The following LARGE1 variants were observed in gnomAD, a reference collection of about 807,000 sequenced individuals.
The protein encoded by LARGE1 is xylosyl- and glucuronyltransferase LARGE1.
A neutral mutation model predicts 87.6 loss-of-function variants in LARGE1; 43 were observed. The observed-to-expected ratio is 0.49, with a 90% CI of 0.38 to 0.63. LARGE1 has a LOEUF of 0.63. Ranked by LOEUF, LARGE1 falls within the 30% of genes least tolerant of loss-of-function variation. The pLI is 0.00. For synonymous variants in LARGE1, 434 were observed against 394.6 expected, an observed-to-expected ratio of 1.10 and a Z score of -1.18; for missense variants, 802 against 1,000.2, an observed-to-expected ratio of 0.80 and a Z score of 2.67.
chr22:33,912,557 C>T (rs1359639097), intron 1 of LARGE1, among the ~76,000 whole-genome samples: 2 of 152,150 alleles, frequency 1.3e-5, no homozygotes, highest in Non-Finnish European at 2.9e-5. Context: ...TCTCCATCTG[C>T]GTCTGCTGCC....
chr22:33,559,090 G>T (rs998029894), intron 6 of LARGE1, among the ~76,000 whole-genome samples: 1 of 152,228 alleles, frequency 6.6e-6, no homozygotes, highest in South Asian at 2.1e-4. Context: ...ATAAGCAACA[G>T]AAATTTATTG....
At chr22:33,496,471 A>G (rs915953571) in intron 6 of LARGE1, among the ~76,000 whole-genome samples, 1 of 152,180 alleles carries the variant, frequency 6.6e-6, no homozygotes, top group Admixed American at 6.5e-5. Context: ...CTACCAAGTA[A>G]GGACACAGCA....
At chr22:33,447,060 A>C (rs1461401287) in intron 6 of LARGE1, among the ~76,000 whole-genome samples, 1 of 152,072 alleles carries the variant, frequency 6.6e-6, no homozygotes, top group Non-Finnish European at 1.5e-5. Flanking sequence ...CAATCAGCTA[A>C]TTTTTGTATT....
chr22:33,241,363 A>G (rs1205837558), intron 11 of LARGE1, among the ~76,000 whole-genome samples: 1 of 152,100 alleles, frequency 6.6e-6, no homozygotes, highest in African/African-American at 2.4e-5. Flanking sequence ...TCATGACAAC[A>G]GTTGGCAATT....
chr22:33,453,472 C>T (rs997096960), intron 6 of LARGE1, among the ~76,000 whole-genome samples: 9 of 152,044 alleles, frequency 5.9e-5, no homozygotes, highest in Non-Finnish European at 1.3e-4. Context: ...ATACTTCAGT[C>T]TGATCTCCCA....
intron 2 of LARGE1, among the ~76,000 whole-genome samples, chr22:33,698,288 G>C (rs1001807222): frequency 6.8e-6 from 1 of 147,380 alleles, no homozygotes; most frequent in African/African-American, 2.5e-5. Context: ...TGGCCAGGCT[G>C]GTCTTGAACT....
intron 2 of LARGE1, among the ~76,000 whole-genome samples, chr22:33,738,809 C>T (rs1168207136): frequency 2.0e-5 from 3 of 149,274 alleles, no homozygotes; most frequent in East Asian, 2.0e-4. Flanking sequence ...CACGCCACTG[C>T]GCTCCAGCCT....
intron 3 of LARGE1, among the ~76,000 whole-genome samples, chr22:33,629,878 G>C (rs1004023811): frequency 6.6e-6 from 1 of 152,118 alleles, no homozygotes; most frequent in African/African-American, 2.4e-5. Flanking sequence ...GACCCGCCTG[G>C]CCAACATGGT....
intron 6 of LARGE1, among the ~76,000 whole-genome samples, chr22:33,491,741 G>A (rs2069851033): frequency 6.6e-6 from 1 of 152,192 alleles, no homozygotes; most frequent in Admixed American, 6.5e-5. Context: ...GGTACTAAAA[G>A]CTTTGGAATA....
intron 5 of LARGE1, among the ~76,000 whole-genome samples, chr22:33,601,782 A>T (rs1337255413): frequency 1.3e-5 from 2 of 152,176 alleles, no homozygotes; most frequent in Non-Finnish European, 2.9e-5. Flanking sequence ...TTTTGAACGT[A>T]TCAGATTGTA....
At chr22:33,739,634 C>A (rs760889651) in intron 2 of LARGE1, among the ~76,000 whole-genome samples, 9 of 152,178 alleles carry the variant, frequency 5.9e-5, no homozygotes, top group Non-Finnish European at 1.2e-4. Flanking sequence ...CTCACTGAAA[C>A]GCATCTGCAG....
intron 6 of LARGE1, among the ~76,000 whole-genome samples, chr22:33,512,315 T>C (rs1398450099): frequency 6.6e-6 from 1 of 152,198 alleles, no homozygotes; most frequent in Non-Finnish European, 1.5e-5. Flanking sequence ...ACATCCTAAC[T>C]GGCCCAAAAT....
intron 7 of LARGE1, among the ~76,000 whole-genome samples, chr22:33,414,064 G>C (rs1359364876): frequency 6.6e-6 from 1 of 152,078 alleles, no homozygotes; most frequent in Non-Finnish European, 1.5e-5. Context: ...CCCAGGAGTG[G>C]GATTGCTGGA....
upstream of LARGE1, among the ~76,000 whole-genome samples, chr22:33,921,595 A>G (rs1344315559): frequency 6.6e-6 from 1 of 152,090 alleles, no homozygotes; most frequent in Admixed American, 6.5e-5. This position sits in a 1 kb window ranked among gnomAD's most constrained non-coding sequence, Gnocchi z 4.1. Flanking sequence ...TCTTTCTGGG[A>G]TCGGTATCCA....
chr22:33,434,256 C>G (rs535319011), intron 6 of LARGE1, among the ~76,000 whole-genome samples: 11 of 152,114 alleles, frequency 7.2e-5, no homozygotes, highest in Non-Finnish European at 1.6e-4. Flanking sequence ...GGGGTGATAC[C>G]TAATTATTAA....
intron 7 of LARGE1, among the ~76,000 whole-genome samples, chr22:33,412,195 A>C (rs1286758035): frequency 1.3e-5 from 2 of 152,128 alleles, no homozygotes; most frequent in African/African-American, 4.8e-5. Context: ...GAGGCAAGAG[A>C]ATTGCTTGAA....
chr22:33,103,617 G>A, the LARGE1 span, among the ~76,000 whole-genome samples: 1 of 152,076 alleles, frequency 6.6e-6, no homozygotes, highest in Non-Finnish European at 1.5e-5. Flanking sequence ...GGACCATGTG[G>A]CAAGGAATGT....
In LARGE1 at chr22:33,767,440, T is replaced by G. The variant is rs139421098; in HGVS notation, c.-82-5882A>C. 9.5e-3 allele frequency among the ~76,000 whole-genome samples: 1,415 copies of G among 148,788 alleles called. 8 individuals are homozygous for G. The highest frequency in any genetic ancestry group is 0.018 in the Middle Eastern group (5 of 280). ...ATGCATATATATGCATGTATATATA[T>G]GTATATATATAAGCTTTAATATATA... is the stretch of plus-strand genomic sequence containing the variant. On this transcript the variant is annotated intron_variant, in intron 1 of 14. Coordinates refer to ENST00000397394, the MANE Select transcript of LARGE1 (RefSeq NM_133642.5).
chr22:33,664,133 T>C (rs920280631), intron 2 of LARGE1, among the ~76,000 whole-genome samples: 4 of 152,182 alleles, frequency 2.6e-5, no homozygotes, highest in African/African-American at 7.2e-5. Context: ...CCAGGCTGAA[T>C]CACCTGTGCT....
Sources: allele counts gnomAD v4.1 joint callset (sites outside exome capture counted in the v4.1 genomes callset), GRCh38; gene constraint gnomAD v4.1.1; non-coding constraint Gnocchi (gnomAD v3.1); transcripts MANE v1.5; gene names NCBI Gene and HGNC (gene_info 2026-07-23, HGNC 2026-07-21).